The following CIB1 variants were observed in gnomAD, a reference collection of about 807,000 sequenced individuals.
The protein encoded by CIB1 is calcium and integrin-binding protein 1.
Under a neutral mutation model 25.0 loss-of-function variants are expected in CIB1, and 19 were observed. That is an observed-to-expected ratio of 0.76 (90% CI 0.53 to 1.12). CIB1 has a LOEUF of 1.12. Among genes scored for constraint, CIB1 ranks in the 50% most tolerant of loss-of-function variants. The pLI is 0.00. For missense variants in CIB1, 236 were observed against 242.6 expected (o/e 0.97, Z 0.18); for synonymous variants, 104 against 98.5 (o/e 1.06, Z -0.33).
At chr15:90,256,557 C>CTT in the CIB1 span, among the ~76,000 whole-genome samples, 1 of 37,446 alleles carries the variant, frequency 2.7e-5, no homozygotes, top group Non-Finnish European at 5.4e-5. Flanking sequence ...TTCTTTCTTT[C>CTT]TTTCTTTCTT....
chr15:90,233,590 C>G lies in CIB1; in HGVS notation c.86+79G>C. ...TCTGCAGACCTCAGGCCAGCCCCCG[C>G]CCCTCCCTCGGGACAGCGCCCCCGA... On this transcript the variant is annotated intron_variant, in intron 2 of 6. Coordinates refer to ENST00000328649, the MANE Select transcript of CIB1 (RefSeq NM_006384.4). 7 of 1,517,302 alleles carry G rather than the reference C, an allele frequency of 4.6e-6. No individual in the cohort carries two copies. The South Asian group carries it at 8.4e-5, about 18-fold the overall frequency. The allele number at this position is 1,517,302 out of a possible 1,614,324, so 94.0% of individuals were successfully genotyped here.
chr15:90,260,374 A>G, the CIB1 span, among the ~76,000 whole-genome samples: 1 of 152,078 alleles, frequency 6.6e-6, no homozygotes, highest in African/African-American at 2.4e-5. Context: ...GTGCGCGCCT[A>G]TGGTCCCAGC....
At chr15:90,264,533 C>T in the CIB1 span, among the ~76,000 whole-genome samples, 1 of 152,154 alleles carries the variant, frequency 6.6e-6, no homozygotes, top group African/African-American at 2.4e-5. Context: ...AGTCCCAGCA[C>T]TCAAGAGGTA....
chr15:90,232,580 G>A, intron 2 of CIB1: 1 of 475,962 alleles, frequency 2.1e-6, no homozygotes, highest in East Asian at 3.5e-5. Context: ...ATCCCCAAGG[G>A]ATGAAGAAGT....
the CIB1 span, among the ~76,000 whole-genome samples, chr15:90,248,717 TCAAAAAAAAAAAAAAAA>T: frequency 6.1e-5 from 1 of 16,304 alleles, no homozygotes; most frequent in African/African-American, 2.2e-4. Flanking sequence ...AGACCCTGTC[TCAAAAAAAAAAAAAAAA>T]AAAAAAAAAA....
chr15:90,233,505 G>C (rs1962554704), intron 2 of CIB1, among the ~76,000 whole-genome samples, 164 bp downstream of exon 2: 1 of 152,244 alleles, frequency 6.6e-6, no homozygotes, highest in South Asian at 2.1e-4. Context: ...AGGGCGGGGA[G>C]GGCGTGCCGG....
At chr15:90,265,510 C>G in the CIB1 span, 2 of 1,399,548 alleles carry the variant, frequency 1.4e-6, no homozygotes, top group Admixed American at 3.2e-5. Context: ...TCGGCCCTCA[C>G]GTTTCAGGGA....
the CIB1 span, chr15:90,242,903 ATGGTCTCTTTAAAGGGGAGCTGATAG>A: frequency 2.6e-5 from 4 of 152,292 alleles, no homozygotes; most frequent in East Asian, 1.9e-4. Context: ...GAGAAAGATA[ATGGTCTCTTTAAAGGGGAGCTGATAG>A]TGGTCTCTTT....
chr15:90,239,824 C>G, the CIB1 span, among the ~76,000 whole-genome samples: 2 of 152,194 alleles, frequency 1.3e-5, no homozygotes, highest in Non-Finnish European at 2.9e-5. Context: ...ACTTGGGATG[C>G]TGAGGTGAAA....
the CIB1 span, chr15:90,264,153 T>C: frequency 5.4e-6 from 4 of 735,604 alleles, no homozygotes; most frequent in Admixed American, 1.0e-4. Context: ...ATATGGCACT[T>C]CCACCAGTGT....
chr15:90,247,229 C>A, the CIB1 span, among the ~76,000 whole-genome samples: 1 of 151,378 alleles, frequency 6.6e-6, no homozygotes, highest in African/African-American at 2.5e-5. Flanking sequence ...CTGCCTCAGC[C>A]TCCCAAAGTG....
In CIB1 at chr15:90,232,288, C is replaced by A. The variant is rs370910897; in HGVS notation, c.126G>T (p.Gln42His). 7 of 1,612,102 alleles carry A rather than the reference C, an allele frequency of 4.3e-6. No individual in the cohort carries two copies. Among genetic ancestry groups the A allele is most frequent in the Non-Finnish European group, 4.2e-6 (5 of 1,178,638 alleles). The change falls in exon 3 of 7, where the codon CAG (glutamine) becomes CAT (histidine). Residue 42 changes from glutamine (Q) to histidine (H), a missense_variant. Transcript: ENST00000328649. Reference protein sequence around the residue: ...RRFCELLPQEQRSVESSLRAQ... With the variant: ...RRFCELLPQEHRSVESSLRAQ... ...CCCGAAGTGACGACTCCACGCTCCG[C>A]TGCTCCTGGGGAAGCAGCTCACAAA...
At chr15:90,233,544 C>T in intron 2 of CIB1, 125 bp downstream of exon 2, 3 of 1,266,336 alleles carry the variant, frequency 2.4e-6, no homozygotes, top group South Asian at 2.6e-5. Context: ...GCTAGGTCTC[C>T]CGGCCTCCAG....
chr15:90,244,833 C>T, the CIB1 span: 1 of 152,068 alleles, frequency 6.6e-6, no homozygotes, highest in African/African-American at 2.4e-5. Flanking sequence ...TAAATAAATA[C>T]ATAAAGTCTT....
At chr15:90,246,999 G>A in the CIB1 span, among the ~76,000 whole-genome samples, 6 of 149,774 alleles carry the variant, frequency 4.0e-5, no homozygotes, top group East Asian at 2.0e-4. Context: ...CTTTTGAGAC[G>A]GAGTCTCACT....
At chr15:90,240,238 T>C in the CIB1 span, among the ~76,000 whole-genome samples, 5 of 149,590 alleles carry the variant, frequency 3.3e-5, no homozygotes, top group Non-Finnish European at 3.0e-5. Flanking sequence ...CCAGGTGCAG[T>C]GGCTCAGGCC....
the CIB1 span, chr15:90,256,120 C>G: frequency 6.2e-7 from 1 of 1,611,744 alleles, no homozygotes; most frequent in Non-Finnish European, 8.5e-7. Flanking sequence ...AACCTTTTGA[C>G]CAGGCCCTCT....
At chr15:90,263,020 G>T in the CIB1 span, 1 of 1,536,100 alleles carries the variant, frequency 6.5e-7, no homozygotes, top group South Asian at 1.2e-5. Flanking sequence ...GGAAGAGGAG[G>T]AGCTGGAGCG....
the CIB1 span, chr15:90,263,131 CT>C: frequency 6.6e-7 from 1 of 1,522,612 alleles, no homozygotes; most frequent in South Asian, 1.2e-5. Context: ...CCAGAAAAAA[CT>C]TCATGAGAGT....
Sources: gnomAD v4.1 joint callset for allele counts (sites outside exome capture counted in the v4.1 genomes callset) on GRCh38, gnomAD v4.1.1 for gene constraint, MANE v1.5 for transcripts, NCBI Gene and HGNC (gene_info 2026-07-23, HGNC 2026-07-21) for gene names.